The following AGTPBP1 variants were observed in gnomAD, a reference collection of about 807,000 sequenced individuals.
The protein encoded by AGTPBP1 is cytosolic carboxypeptidase 1.
AGTPBP1 carries 70 observed loss-of-function variants against 143.9 expected under a neutral mutation model. The ratio of observed to expected loss-of-function variants is 0.49; its 90% CI spans 0.40 to 0.59. The LOEUF (loss-of-function observed/expected upper bound fraction) is 0.59. Among genes scored for constraint, AGTPBP1 ranks in the 20% least tolerant of loss-of-function variants. AGTPBP1 has a pLI of 0.00. For synonymous variants in AGTPBP1, 463 were observed against 500.2 expected, an observed-to-expected ratio of 0.93 and a Z score of 0.99; for missense variants, 1,229 against 1,464.5, an observed-to-expected ratio of 0.84 and a Z score of 2.62.
At chr9:85,638,012 C>G (rs1832187942) in intron 13 of AGTPBP1, among the ~76,000 whole-genome samples, 5 of 152,028 alleles carry the variant, frequency 3.3e-5, no homozygotes, top group Admixed American at 3.3e-4. Flanking sequence ...TAAGTCTACA[C>G]TAAACATAAA....
In AGTPBP1 at chr9:85,592,619, G is replaced by T. The variant is rs750853377; in HGVS notation, c.2509C>A (p.His837Asn). The T allele has an allele frequency of 6.2e-7, 1 of 1,612,190 alleles. No individual in the cohort carries two copies. Among genetic ancestry groups the T allele is most frequent in the Admixed American group, 1.7e-5 (1 of 59,740 alleles). ...YTITFTVNFP[H>N]KDDVCYFAYH... ...GCAAAGTAGCAAACATCATCTTTAT[G>T]TGGAAAATTGACAGTAAATGTAATT... Residue 837 changes from histidine to asparagine, a missense_variant, in exon 19 of 26, where the codon CAT becomes AAT. His to Asn is a moderately conservative substitution (Grantham distance 68). This residue lies in a region of AGTPBP1 where 486 missense variants were observed against 652.3 expected (regional missense o/e 0.75). Transcript: ENST00000357081.
chr9:85,572,769 T>C (rs1011006740), intron 25 of AGTPBP1, among the ~76,000 whole-genome samples: 1 of 152,200 alleles, frequency 6.6e-6, no homozygotes, highest in African/African-American at 2.4e-5. Flanking sequence ...AATTGACAAT[T>C]TTTATATTCA....
At chr9:85,771,235 C>T in the AGTPBP1 span, among the ~76,000 whole-genome samples, 1 of 152,136 alleles carries the variant, frequency 6.6e-6, no homozygotes, top group East Asian at 1.9e-4. Flanking sequence ...TGCAGTGGCT[C>T]ATGCCTGTAA....
At chr9:85,595,619 C>T (rs574151928) in intron 18 of AGTPBP1, among the ~76,000 whole-genome samples, 67 of 152,204 alleles carry the variant, frequency 4.4e-4, no homozygotes, top group African/African-American at 1.4e-3. Context: ...CTCCGCCTCC[C>T]GGGTTCAAGC....
the AGTPBP1 span, among the ~76,000 whole-genome samples, chr9:85,804,896 CA>C: frequency 6.6e-6 from 1 of 152,186 alleles, no homozygotes; most frequent in African/African-American, 2.4e-5. Flanking sequence ...CCCCAAGTTG[CA>C]GGGAACCCAA....
chr9:85,694,284 T>C (rs572310026), intron 2 of AGTPBP1, among the ~76,000 whole-genome samples: 1 of 152,290 alleles, frequency 6.6e-6, no homozygotes, highest in East Asian at 1.9e-4. Flanking sequence ...CTTTCAATTA[T>C]ACTTTCTCTG....
chr9:85,708,510 AT>A (rs1178111103), intron 2 of AGTPBP1, among the ~76,000 whole-genome samples: 2 of 152,224 alleles, frequency 1.3e-5, no homozygotes, highest in African/African-American at 4.8e-5. Context: ...TCTATATCTA[AT>A]AAAGAAAGTG....
intron 25 of AGTPBP1, among the ~76,000 whole-genome samples, chr9:85,561,811 C>CA (rs890371182): frequency 1.2e-4 from 17 of 142,762 alleles, no homozygotes; most frequent in Admixed American, 3.5e-4. Context: ...CTGTATTGTC[C>CA]AAAAAAAAAG....
At chr9:85,691,702 GTTCT>G (rs1446718357) in intron 3 of AGTPBP1, among the ~76,000 whole-genome samples, 2 of 151,986 alleles carry the variant, frequency 1.3e-5, no homozygotes, top group Non-Finnish European at 2.9e-5. Context: ...CCTGAAATGT[GTTCT>G]TTAACAATGA....
At chr9:85,601,305 G>T (rs1028758451) in intron 17 of AGTPBP1, among the ~76,000 whole-genome samples, 4 of 152,198 alleles carry the variant, frequency 2.6e-5, no homozygotes, top group Non-Finnish European at 5.9e-5. Context: ...GGATCACCCA[G>T]CCGTCCTCAT....
At chr9:85,770,061 T>TTTG in the AGTPBP1 span, among the ~76,000 whole-genome samples, 1 of 148,282 alleles carries the variant, frequency 6.7e-6, no homozygotes, top group African/African-American at 2.5e-5. Context: ...TGTTAATCTG[T>TTTG]TGTGTGTGTG....
intron 8 of AGTPBP1, 123 bp from the exon 9 acceptor site, chr9:85,661,096 G>T: frequency 1.3e-6 from 1 of 769,022 alleles, no homozygotes; most frequent in Non-Finnish European, 2.0e-6. Flanking sequence ...GTTTACTCTT[G>T]TTTAAGATAA....
chr9:85,586,309 T>C (rs1332396346), intron 22 of AGTPBP1, among the ~76,000 whole-genome samples: 1 of 152,176 alleles, frequency 6.6e-6, no homozygotes, highest in Non-Finnish European at 1.5e-5. Context: ...AAGTGCATCA[T>C]TTTAAAAATA....
intron 25 of AGTPBP1, among the ~76,000 whole-genome samples, chr9:85,549,950 AC>A (rs1825939603): frequency 6.6e-6 from 1 of 152,122 alleles, no homozygotes; most frequent in Admixed American, 6.5e-5. Context: ...CACTCCTATA[AC>A]CCACAATGGC....
intron 14 of AGTPBP1, among the ~76,000 whole-genome samples, chr9:85,630,489 T>C (rs141952255): frequency 6.9e-6 from 1 of 145,540 alleles, no homozygotes; most frequent in Non-Finnish European, 1.5e-5. Flanking sequence ...ATTGATTGAT[T>C]GATTGATTGA....
At chr9:85,750,157 C>T in the AGTPBP1 span, among the ~76,000 whole-genome samples, 2 of 152,152 alleles carry the variant, frequency 1.3e-5, no homozygotes, top group South Asian at 4.1e-4. Flanking sequence ...GCTGGGATTA[C>T]AAGTGCAGTA....
At chr9:85,611,537 G>GA (rs5898914) in intron 17 of AGTPBP1, among the ~76,000 whole-genome samples, 3 of 150,676 alleles carry the variant, frequency 2.0e-5, no homozygotes, top group Non-Finnish European at 3.0e-5. Flanking sequence ...TATTAAAATA[G>GA]AAAAAAAAAG....
the AGTPBP1 span, among the ~76,000 whole-genome samples, chr9:85,797,654 G>A: frequency 6.6e-6 from 1 of 151,870 alleles, no homozygotes; most frequent in East Asian, 1.9e-4. Flanking sequence ...TGGCTTTCCT[G>A]GGCCACACTG....
chr9:85,616,218 T>G (rs887998696), intron 17 of AGTPBP1, among the ~76,000 whole-genome samples: 8 of 151,878 alleles, frequency 5.3e-5, no homozygotes, highest in Non-Finnish European at 8.8e-5. Flanking sequence ...ATTCACTACA[T>G]AGTGAGTTTG....
Sources: gnomAD v4.1 joint callset for allele counts (sites outside exome capture counted in the v4.1 genomes callset) on GRCh38, gnomAD v4.1.1 for gene constraint, gnomAD v4.1.1 regional missense constraint, MANE v1.5 for transcripts, NCBI Gene and HGNC (gene_info 2026-07-23, HGNC 2026-07-21) for gene names.